The following DDX24 variants were observed in gnomAD, a reference collection of about 807,000 sequenced individuals.
The protein encoded by DDX24 is DEAD-box helicase 24, also known as ATP-dependent RNA helicase DDX24.
In DDX24, 24 loss-of-function variants were observed where a neutral mutation model predicts 68.9. The observed-to-expected ratio is 0.35, with a 90% CI of 0.25 to 0.49. The LOEUF (loss-of-function observed/expected upper bound fraction) is 0.49, where lower values mean the gene tolerates loss of function less well. Among genes scored for constraint, DDX24 ranks in the 20% least tolerant of loss-of-function variants. DDX24 has a pLI of 0.99. For missense variants in DDX24, 989 were observed against 1,039.0 expected (o/e 0.95, Z 0.66); for synonymous variants, 395 against 385.2 (o/e 1.03, Z -0.30).
intron 7 of DDX24, among the ~76,000 whole-genome samples, chr14:94,053,717 G>C (rs938749265): frequency 1.3e-5 from 2 of 152,200 alleles, no homozygotes; most frequent in Non-Finnish European, 2.9e-5. Context: ...GGGAGGCTGA[G>C]GCAGGAGAAT....
intron 1 of DDX24, 63 bp from the exon 2 acceptor site, chr14:94,079,810 A>C: frequency 6.8e-7 from 1 of 1,473,190 alleles, no homozygotes; most frequent in Non-Finnish European, 9.2e-7. Flanking sequence ...CTGATGTAAC[A>C]AATATTTTCT....
At chr14:94,057,442 GACTTGTTCA>G (rs1885511777) in intron 6 of DDX24, 1 of 184,522 alleles carries the variant, frequency 5.4e-6, no homozygotes. Flanking sequence ...GAGATTACAT[GACTTGTTCA>G]AGGTTACACA....
chr14:94,060,870 C>G, intron 4 of DDX24, 43 bp downstream of exon 4: 2 of 1,607,578 alleles, frequency 1.2e-6, no homozygotes, highest in Non-Finnish European at 1.7e-6. Flanking sequence ...AGGCTCATTT[C>G]AGAAAAGGCA....
chr14:94,071,434 A>C (rs1343868490), intron 2 of DDX24, among the ~76,000 whole-genome samples: 2 of 152,188 alleles, frequency 1.3e-5, no homozygotes, highest in African/African-American at 4.8e-5. Context: ...AGATCACCTG[A>C]GGTCAGGAGT....
rs148962832 is a variant in DDX24 at position 94,051,248 on chromosome 14, T to C, written c.2523A>G (p.Thr841=). The change falls in exon 9 of 9, where the codon ACA becomes ACG. Residue 841 remains threonine, a synonymous_variant. Coordinates refer to ENST00000621632, the MANE Select transcript of DDX24 (RefSeq NM_020414.4). ...SCLSKQKKKK[T]KKPKEPQPEQ... ...CCGGCTGTGGCTCCTTCGGCTTCTT[T>C]GTCTTCTTCTTCTTCTGCTTGGAGA... 1.8e-5 allele frequency: 29 copies of C among 1,595,038 alleles called. No individual in the cohort carries two copies. In the African/African-American group the frequency reaches 3.9e-4, roughly 22 times the overall value.
intron 2 of DDX24, among the ~76,000 whole-genome samples, chr14:94,073,131 G>C (rs1363241255): frequency 6.8e-5 from 10 of 147,162 alleles, no homozygotes; most frequent in Non-Finnish European, 1.5e-5. Flanking sequence ...TGTCACCCAG[G>C]ATGGAGTGCA....
chr14:94,055,898 C>G (rs1885483214), intron 6 of DDX24: 1 of 152,256 alleles, frequency 6.6e-6, no homozygotes, highest in South Asian at 2.1e-4. Context: ...TTTAATGCCT[C>G]TATATGTCCA....
chr14:94,054,922 G>C, intron 7 of DDX24, 74 bp downstream of exon 7: 4 of 1,506,498 alleles, frequency 2.7e-6, no homozygotes, highest in Non-Finnish European at 3.6e-6. Context: ...TGCTGCCAGA[G>C]TCCCACAGCA....
Position 94,060,990 on chromosome 14 carries a change from A to T in DDX24, c.1320T>A (p.Ile440=). 6.2e-7 allele frequency: 1 copy of T among 1,614,212 alleles called. No homozygotes were observed. The highest frequency in any genetic ancestry group is 1.1e-5 in the South Asian group (1 of 91,074). Residue 440 remains isoleucine, a synonymous_variant, in exon 4 of 9, where the codon ATT becomes ATA. Transcript: ENST00000621632. ...ACAGCCGGCCTGGAGTAGCAACCAC[A>T]ATCTCAGGACGACGGTTCAGCATCC... is the stretch of plus-strand genomic sequence containing the variant. ...QQRMLNRRPE[I]VVATPGRLWE...
chr14:94,078,827 A>C (rs2141438584), intron 2 of DDX24, 198 bp downstream of exon 2: 1 of 601,164 alleles, frequency 1.7e-6, no homozygotes, highest in South Asian at 2.2e-5. Context: ...GAGCTGAGAG[A>C]GATAAAAGTG....
In DDX24 at chr14:94,080,771, C is replaced by T. The variant is rs188761776; in HGVS notation, c.-6+348G>A. ...AACAAGGAGAGGGCGAGGGGTGCCA[C>T]GCGAACCGGGCGAGGACACGGAGAG... On this transcript the variant is annotated intron_variant, in intron 1 of 8. Transcript: ENST00000621632. 1.4e-3 allele frequency among the ~76,000 whole-genome samples: 214 copies of T among 152,242 alleles called. 2 individuals are homozygous for T. Among genetic ancestry groups the T allele is most frequent in the South Asian group, 3.9e-3 (19 of 4,822 alleles).
intron 3 of DDX24, 31 bp from the exon 4 acceptor site, chr14:94,061,097 T>C (rs760222805): frequency 6.2e-7 from 1 of 1,610,482 alleles, no homozygotes; most frequent in Admixed American, 1.7e-5. Context: ...GGGACACTTA[T>C]TCAATCTGGG....
chr14:94,072,268 G>A (rs905487113), intron 2 of DDX24, among the ~76,000 whole-genome samples: 8 of 152,342 alleles, frequency 5.3e-5, no homozygotes, highest in South Asian at 4.1e-4. Flanking sequence ...ATACTATGCA[G>A]CCATAAAAAG....
chr14:94,078,908 C>A, intron 2 of DDX24, 117 bp downstream of exon 2: 1 of 1,127,362 alleles, frequency 8.9e-7, no homozygotes, highest in Non-Finnish European at 1.3e-6. Context: ...CACCTTTATT[C>A]AGCGTTGCTT....
chr14:94,060,177 T>C lies in DDX24; in HGVS notation c.1834A>G (p.Ile612Val), dbSNP rs766523748. ...RLSGLLKVLD[I>V]MPLTLHACMH... ...CAGGCATGCAGGGTCAAGGGCATGA[T>C]ATCAAGGACTTTGAGGAGCCCAGAG... is the stretch of plus-strand genomic sequence containing the variant. Residue 612 changes from isoleucine to valine, a missense_variant, in exon 5 of 9, where the codon ATC (isoleucine) becomes GTC (valine). Transcript: ENST00000621632. 6.2e-7 allele frequency: 1 copy of C among 1,614,162 alleles called. No individual in the cohort carries two copies. Among genetic ancestry groups the C allele is most frequent in the Admixed American group, 1.7e-5 (1 of 60,010 alleles).
chr14:94,067,706 C>T (rs1424813073), intron 2 of DDX24, among the ~76,000 whole-genome samples: 2 of 152,194 alleles, frequency 1.3e-5, no homozygotes, highest in Admixed American at 6.5e-5. Context: ...AAACAATCTT[C>T]AGCCAAGAAT....
At chr14:94,058,316 C>G (rs1480785089) in intron 5 of DDX24, among the ~76,000 whole-genome samples, 2 of 152,198 alleles carry the variant, frequency 1.3e-5, no homozygotes, top group Admixed American at 6.5e-5. Flanking sequence ...GCACTTGCTA[C>G]TCCTTAAGGC....
intron 2 of DDX24, among the ~76,000 whole-genome samples, chr14:94,072,695 T>C (rs1885856855): frequency 6.7e-6 from 1 of 149,936 alleles, no homozygotes; most frequent in East Asian, 1.9e-4. Flanking sequence ...CCGGGCATGG[T>C]GGCACATGCC....
intron 2 of DDX24, 142 bp from the exon 3 acceptor site, chr14:94,062,763 G>T: frequency 2.0e-6 from 2 of 1,021,044 alleles, no homozygotes; most frequent in South Asian, 1.8e-5. Context: ...ACTCTACACA[G>T]ATTTCCCCAG....
Sources: gnomAD v4.1 joint callset for allele counts (sites outside exome capture counted in the v4.1 genomes callset) on GRCh38, gnomAD v4.1.1 for gene constraint, MANE v1.5 for transcripts, NCBI Gene and HGNC (gene_info 2026-07-23, HGNC 2026-07-21) for gene names.